COL4A3: variants seen among roughly 807,000 people sequenced by gnomAD.
COL4A3 encodes collagen type IV alpha 3 chain.
In COL4A3, 135 loss-of-function variants were observed where a neutral mutation model predicts 217.4. The ratio of observed to expected loss-of-function variants is 0.62; its 90% CI spans 0.54 to 0.72. The LOEUF is 0.72. COL4A3 is among the 30% of genes least tolerant of loss of function. The pLI, the probability that COL4A3 is intolerant of heterozygous loss-of-function variation, is 0.00. For missense variants in COL4A3, 1,868 were observed against 2,119.9 expected (o/e 0.88, Z 2.33); for synonymous variants, 690 against 736.3 (o/e 0.94, Z 1.02).
chr2:227,288,074 T>G (rs912999637), intron 34 of COL4A3, among the ~76,000 whole-genome samples: 1 of 152,220 alleles, frequency 6.6e-6, no homozygotes, highest in Non-Finnish European at 1.5e-5. Context: ...ATTTACTCTG[T>G]AAGTAATAGA....
At chr2:227,244,501 T>C (rs767770569) in intron 4 of COL4A3, 137 bp downstream of exon 4, 19 of 882,120 alleles carry the variant, frequency 2.2e-5, no homozygotes, top group Non-Finnish European at 2.4e-5. Flanking sequence ...TAATCTGTAA[T>C]GGTAGATGTC....
chr2:227,185,263 T>A (rs2065993675), intron 1 of COL4A3, among the ~76,000 whole-genome samples: 1 of 152,092 alleles, frequency 6.6e-6, no homozygotes, highest in Non-Finnish European at 1.5e-5. Context: ...TCAGCCAAAT[T>A]GTAAAAAGCA....
At chr2:227,211,542 A>G (rs2067321380) in intron 1 of COL4A3, among the ~76,000 whole-genome samples, 1 of 152,216 alleles carries the variant, frequency 6.6e-6, no homozygotes, top group South Asian at 2.1e-4. Flanking sequence ...TATCTTTATT[A>G]GCAAGTGCTA....
chr2:227,224,224 C>T (rs1323362334), intron 1 of COL4A3, among the ~76,000 whole-genome samples: 2 of 152,180 alleles, frequency 1.3e-5, no homozygotes, highest in Non-Finnish European at 2.9e-5. Flanking sequence ...TTACTTATAA[C>T]AATGGAGAGT....
At position 227,272,199 on chromosome 2, in the gene COL4A3, G is replaced by T. The variant is rs117466590; in HGVS notation, c.1759-750G>T. Among the ~76,000 whole-genome samples, 64 of 152,254 alleles carry T rather than the reference G, an allele frequency of 4.2e-4. No individual in the cohort carries two copies. In the East Asian group the frequency reaches 0.01, roughly 24 times the overall value. ...GAATTCTGATGGTCTAATATTAAGA[G>T]AATTTGTATGATGTCCCTACTTGCA... On this transcript the variant is annotated intron_variant, in intron 25 of 51. Coordinates refer to ENST00000396578, the MANE Select transcript of COL4A3 (RefSeq NM_000091.5).
At chr2:227,177,189 A>G (rs1341695763) in intron 1 of COL4A3, among the ~76,000 whole-genome samples, 9 of 147,226 alleles carry the variant, frequency 6.1e-5, no homozygotes, top group Non-Finnish European at 8.9e-5. Context: ...TTGCTCTGTA[A>G]CCCAGGCTGG....
intron 1 of COL4A3, among the ~76,000 whole-genome samples, chr2:227,165,521 T>C (rs542161318): frequency 6.6e-6 from 1 of 152,302 alleles, no homozygotes; most frequent in South Asian, 2.1e-4. Context: ...TAAATAGAAA[T>C]TGATTGTCCT....
Position 227,304,966 on chromosome 2 carries a change from A to G in COL4A3, c.4154-19A>G. ...CATCCTATATGATAAAATGCAATAC[A>G]ATGTTGGTTTTTGCCTAGGACCCTG... On this transcript the variant is annotated intron_variant, in intron 46 of 51. Coordinates refer to ENST00000396578, the MANE Select transcript of COL4A3 (RefSeq NM_000091.5). 1 of 1,601,872 alleles carries G rather than the reference A, an allele frequency of 6.2e-7. No individual in the cohort carries two copies. Among genetic ancestry groups the G allele is most frequent in the Non-Finnish European group, 8.5e-7 (1 of 1,169,714 alleles).
At chr2:227,251,417 A>G in intron 11 of COL4A3, 46 bp downstream of exon 11, 1 of 1,585,298 alleles carries the variant, frequency 6.3e-7, no homozygotes, top group African/African-American at 1.3e-5. Context: ...ACCCTACTCA[A>G]TCTCAAAGCC....
At chr2:227,202,675 C>T (rs1422477301) in intron 1 of COL4A3, among the ~76,000 whole-genome samples, 1 of 148,060 alleles carries the variant, frequency 6.8e-6, no homozygotes, top group East Asian at 2.0e-4. Flanking sequence ...GCAGAGCTTG[C>T]AGTGAGCCGA....
At chr2:227,301,639 T>G (rs1259902872) in intron 43 of COL4A3, among the ~76,000 whole-genome samples, 4 of 152,244 alleles carry the variant, frequency 2.6e-5, no homozygotes. Context: ...ATGATCTTAC[T>G]TAACTCCTCT....
chr2:227,167,432 G>A (rs547497276), intron 1 of COL4A3, among the ~76,000 whole-genome samples: 1 of 152,352 alleles, frequency 6.6e-6, no homozygotes, highest in Non-Finnish European at 1.5e-5. Flanking sequence ...TCAGGGCCCA[G>A]CTCACCCACT....
chr2:227,310,932 C>T lies in COL4A3; in HGVS notation c.4912C>T (p.Pro1638Ser), dbSNP rs759033068. 3.7e-6 allele frequency: 6 copies of T among 1,613,586 alleles called. No homozygotes were observed. Among genetic ancestry groups the T allele is most frequent in the African/African-American group, 2.7e-5 (2 of 74,856 alleles). ...CAGTTTCTGGCTGGCTTCATTAAAC[C>T]CAGAAAGAATGTTCAGGTAACTATT... Reference protein sequence around the residue: ...SYSFWLASLNPERMFRKPIPS... With the variant: ...SYSFWLASLNSERMFRKPIPS... Residue 1638 changes from proline to serine, a missense_variant, in exon 51 of 52, where the codon CCA (proline) becomes TCA (serine). Coordinates refer to ENST00000396578, the MANE Select transcript of COL4A3 (RefSeq NM_000091.5).
chr2:227,223,195 A>G, intron 1 of COL4A3, among the ~76,000 whole-genome samples: 1 of 152,162 alleles, frequency 6.6e-6, no homozygotes, highest in Admixed American at 6.6e-5. Flanking sequence ...TACCGATTCT[A>G]GGCCTCAGAC....
rs146457597 is a variant in COL4A3, at chr2:227,208,334, C to G, written c.88-29634C>G. On this transcript the variant is annotated intron_variant, in intron 1 of 51. Coordinates refer to ENST00000396578, the MANE Select transcript of COL4A3 (RefSeq NM_000091.5). The stretch of plus-strand genomic sequence containing the variant: ...CATGCGGCTTCTGGCTTCAAGAGTC[C>G]GAACCTCCCCAAATTGCTCCTGGGG... Among the ~76,000 whole-genome samples the G allele has an allele frequency of 7.6e-3, 1,150 of 152,210 alleles. 15 individuals are homozygous for G. The highest frequency in any genetic ancestry group is 0.026 in the African/African-American group (1,097 of 41,498).
chr2:227,245,224 T>C (rs1394312491), intron 5 of COL4A3, among the ~76,000 whole-genome samples: 3 of 151,812 alleles, frequency 2.0e-5, no homozygotes, highest in South Asian at 4.2e-4. Context: ...GGATAATTAG[T>C]AAATTATATG....
rs148204010 is a variant in COL4A3, at chr2:227,214,493, G to C, written c.88-23475G>C. Among the ~76,000 whole-genome samples, 478 of 152,302 alleles carry C rather than the reference G, an allele frequency of 3.1e-3. 2 individuals are homozygous for C. Among genetic ancestry groups the C allele is most frequent in the African/African-American group, 0.011 (448 of 41,568 alleles). On this transcript the variant is annotated intron_variant, in intron 1 of 51. Coordinates refer to ENST00000396578, the MANE Select transcript of COL4A3 (RefSeq NM_000091.5). ...CAAATGAAGTTGCATTTTCATAACA[G>C]CTTAGCATCATAACCTTTTCTATAT...
chr2:227,284,158 C>T, intron 33 of COL4A3, 53 bp from the exon 34 acceptor site: 2 of 1,612,616 alleles, frequency 1.2e-6, no homozygotes, highest in South Asian at 1.1e-5. Flanking sequence ...TTTTTAATCC[C>T]TATGAACTAC....
Position 227,222,151 on chromosome 2 carries a change from AATAATAATAATAATGATAATG to A in COL4A3, c.88-15809_88-15789del, listed in dbSNP as rs1245510546. On this transcript the variant is annotated intron_variant, in intron 1 of 51. Coordinates refer to ENST00000396578, the MANE Select transcript of COL4A3 (RefSeq NM_000091.5). ...TAATAATAATAATAATAATAATAAT[AATAATAATAATAATGATAATG>A]ATAATAAAAAGCTCCTTAAGCACCC... Among the ~76,000 whole-genome samples the A allele has an allele frequency of 1.7e-3, 157 of 92,006 alleles. 1 individual carries two copies. Among genetic ancestry groups the A allele is most frequent in the African/African-American group, 4.3e-3 (122 of 28,626 alleles). 60.4% of individuals were successfully genotyped at this position (92,006 alleles called of 152,430 possible).
Sources: gnomAD v4.1 joint callset for allele counts (sites outside exome capture counted in the v4.1 genomes callset) on GRCh38, gnomAD v4.1.1 for gene constraint, MANE v1.5 for transcripts, NCBI Gene and HGNC (gene_info 2026-07-23, HGNC 2026-07-21) for gene names.